The following NIBAN1 variants were observed in gnomAD, a reference collection of about 807,000 sequenced individuals.
NIBAN1 encodes the protein niban apoptosis regulator 1, also known as protein Niban 1.
A neutral mutation model predicts 75.1 loss-of-function variants in NIBAN1; 81 were observed. That is an observed-to-expected ratio of 1.08 (90% CI 0.90 to 1.30). The LOEUF is 1.30. Among genes scored for constraint, NIBAN1 ranks in the 50% most tolerant of loss-of-function variants. NIBAN1 has a pLI of 0.00. For synonymous variants in NIBAN1, 436 were observed against 424.8 expected, an observed-to-expected ratio of 1.03 and a Z score of -0.32; for missense variants, 1,133 against 1,128.1, an observed-to-expected ratio of 1.00 and a Z score of -0.06.
At chr1:184,921,574 G>T (rs1657556247) in intron 1 of NIBAN1, among the ~76,000 whole-genome samples, 1 of 152,114 alleles carries the variant, frequency 6.6e-6, no homozygotes, top group Non-Finnish European at 1.5e-5. Context: ...GGATAAGAAA[G>T]AAATTTTCTC....
intron 9 of NIBAN1, among the ~76,000 whole-genome samples, chr1:184,811,501 C>CTTTTTTTTTTG (rs1557873202): frequency 6.0e-5 from 2 of 33,562 alleles, no homozygotes; most frequent in African/African-American, 2.0e-4. Context: ...TACTTTCTTC[C>CTTTTTTTTTTG]TTTTTTTTTT....
chr1:184,899,563 G>C (rs903053225), intron 1 of NIBAN1, among the ~76,000 whole-genome samples: 3 of 152,100 alleles, frequency 2.0e-5, no homozygotes, highest in Admixed American at 2.0e-4. Flanking sequence ...CAGACCCTAA[G>C]GACTAAATTG....
At chr1:184,825,754 G>C (rs1203677155) in intron 6 of NIBAN1, among the ~76,000 whole-genome samples, 1 of 152,176 alleles carries the variant, frequency 6.6e-6, no homozygotes. Flanking sequence ...TTCACCACGA[G>C]TCTTTCAAGG....
At chr1:184,804,072 G>C (rs1368606954) in intron 11 of NIBAN1, among the ~76,000 whole-genome samples, 1 of 152,182 alleles carries the variant, frequency 6.6e-6, no homozygotes, top group African/African-American at 2.4e-5. Flanking sequence ...AGGGTCAGTG[G>C]GTTGTAATGA....
intron 5 of NIBAN1, among the ~76,000 whole-genome samples, chr1:184,869,252 C>CTTAGT (rs1348962253): frequency 6.6e-6 from 1 of 152,152 alleles, no homozygotes; most frequent in Admixed American, 6.5e-5. Flanking sequence ...TTTTATCTTA[C>CTTAGT]TAGTGGAGAT....
At chr1:184,829,565 T>C (rs1571499708) in intron 6 of NIBAN1, among the ~76,000 whole-genome samples, 1 of 151,190 alleles carries the variant, frequency 6.6e-6, no homozygotes, top group African/African-American at 2.4e-5. Context: ...CTCCCAGGTT[T>C]AAGCAATTCT....
At chr1:184,855,509 TC>T (rs759029383) in intron 5 of NIBAN1, among the ~76,000 whole-genome samples, 30 of 152,280 alleles carry the variant, frequency 2.0e-4, no homozygotes, top group Non-Finnish European at 4.3e-4. Context: ...TCTCTTCAGT[TC>T]TAGGCTGGGC....
chr1:184,892,258 T>C (rs1656687260), intron 3 of NIBAN1, among the ~76,000 whole-genome samples: 1 of 152,090 alleles, frequency 6.6e-6, no homozygotes, highest in Non-Finnish European at 1.5e-5. Flanking sequence ...CACTTACTCC[T>C]CTCAACACCA....
intron 9 of NIBAN1, among the ~76,000 whole-genome samples, chr1:184,815,272 G>A (rs1296219687): frequency 6.6e-6 from 1 of 152,142 alleles, no homozygotes; most frequent in Admixed American, 6.5e-5. Context: ...GGTTCACTGA[G>A]GACAATCCCT....
chr1:184,967,189 C>G (rs1658812935), intron 1 of NIBAN1, among the ~76,000 whole-genome samples: 1 of 148,306 alleles, frequency 6.7e-6, no homozygotes, highest in African/African-American at 2.5e-5. Flanking sequence ...AAATCTCTTT[C>G]TCTCTCTTTC....
intron 1 of NIBAN1, 43 bp downstream of exon 1, chr1:184,974,259 A>G (rs561101549): frequency 2.0e-6 from 3 of 1,478,868 alleles, no homozygotes; most frequent in East Asian, 5.8e-5. Context: ...AGCCTGGTGC[A>G]CGGGTCAGGG....
Position 184,906,268 on chromosome 1 carries a change from A to AACACACAC in NIBAN1, c.56-6967_56-6960dup, listed in dbSNP as rs35005865. 2.1e-3 allele frequency among the ~76,000 whole-genome samples: 315 copies of AACACACAC among 149,742 alleles called. 3 individuals are homozygous for AACACACAC. The highest frequency in any genetic ancestry group is 7.4e-3 in the African/African-American group (300 of 40,780). ...GCAAGATCCTGTCTCAAAATAAATG[A>AACACACAC]ACACACACACACACACACATGCACA... On this transcript the variant is annotated intron_variant, in intron 1 of 13. Coordinates refer to ENST00000367511, the MANE Select transcript of NIBAN1 (RefSeq NM_052966.4).
chr1:184,931,009 T>C (rs1461242297), intron 1 of NIBAN1, among the ~76,000 whole-genome samples: 2 of 146,730 alleles, frequency 1.4e-5, no homozygotes, highest in Admixed American at 6.8e-5. Flanking sequence ...TTTTTTTTTT[T>C]TTTTTTTTGA....
intron 1 of NIBAN1, among the ~76,000 whole-genome samples, chr1:184,927,737 A>G (rs1463953279): frequency 6.6e-6 from 1 of 152,018 alleles, no homozygotes; most frequent in East Asian, 1.9e-4. Context: ...CCTTATTTTC[A>G]GAATGGTGAG....
At chr1:184,974,006 T>G (rs1557937417) in intron 1 of NIBAN1, among the ~76,000 whole-genome samples, 2 of 152,084 alleles carry the variant, frequency 1.3e-5, no homozygotes, top group Non-Finnish European at 2.9e-5. Flanking sequence ...GAGGGCGAAG[T>G]GCGCCGGGCG....
At chr1:184,871,287 C>T (rs997065409) in intron 5 of NIBAN1, among the ~76,000 whole-genome samples, 1 of 129,994 alleles carries the variant, frequency 7.7e-6, no homozygotes, top group African/African-American at 2.9e-5. Context: ...GTGGAGGGTG[C>T]AATGAGCTGA....
At chr1:184,834,979 A>T (rs144274982) in intron 5 of NIBAN1, among the ~76,000 whole-genome samples, 3 of 151,956 alleles carry the variant, frequency 2.0e-5, no homozygotes, top group Non-Finnish European at 4.4e-5. Flanking sequence ...GTTTTAGGTC[A>T]AACATTTAAG....
At position 184,965,232 on chromosome 1, in the gene NIBAN1, G is replaced by T. The variant is rs1157898212; in HGVS notation, c.55+9070C>A. 2.0e-5 allele frequency among the ~76,000 whole-genome samples: 3 copies of T among 152,006 alleles called. No individual in the cohort carries two copies. In the East Asian group the frequency reaches 5.8e-4, roughly 29 times the overall value. Reference sequence around the variant, plus strand: ...GAGAATGGCGTGAACCCGGGAATTGGAGCTTGCAGTGAGCCGAGATCGCGC... The same window carrying T: ...GAGAATGGCGTGAACCCGGGAATTGTAGCTTGCAGTGAGCCGAGATCGCGC... On this transcript the variant is annotated intron_variant, in intron 1 of 13. Transcript: ENST00000367511.
intron 1 of NIBAN1, among the ~76,000 whole-genome samples, chr1:184,946,169 T>C (rs1474508341): frequency 6.6e-6 from 1 of 152,198 alleles, no homozygotes; most frequent in African/African-American, 2.4e-5. Flanking sequence ...AGCCAGATGT[T>C]TGGCACCAAT....
Sources: gnomAD v4.1 joint callset for allele counts (sites outside exome capture counted in the v4.1 genomes callset) on GRCh38, gnomAD v4.1.1 for gene constraint, MANE v1.5 for transcripts, NCBI Gene and HGNC (gene_info 2026-07-23, HGNC 2026-07-21) for gene names.